SLC4A10: variants seen among roughly 807,000 people sequenced by gnomAD.
The protein encoded by SLC4A10 is solute carrier family 4 member 10.
Under a neutral mutation model 137.7 loss-of-function variants are expected in SLC4A10, and 42 were observed. The observed-to-expected ratio is 0.30, with a 90% confidence interval of 0.24 to 0.39. The LOEUF is 0.39. Among genes scored for constraint, SLC4A10 ranks in the 10% least tolerant of loss-of-function variants. SLC4A10 has a pLI of 1.00. For synonymous variants in SLC4A10, 474 were observed against 464.1 expected (o/e 1.02, Z -0.27); for missense variants, 925 against 1,355.0 (o/e 0.68, Z 4.98).
At chr2:161,737,349 T>C (rs2047448101) in intron 1 of SLC4A10, among the ~76,000 whole-genome samples, 1 of 152,218 alleles carries the variant, frequency 6.6e-6, no homozygotes, top group Admixed American at 6.5e-5. Context: ...AACGATTCTC[T>C]ATGTCTGGAC....
At chr2:161,806,476 T>C (rs2055973831) in intron 3 of SLC4A10, among the ~76,000 whole-genome samples, 1 of 152,186 alleles carries the variant, frequency 6.6e-6, no homozygotes, top group African/African-American at 2.4e-5. Context: ...TAAAACCGAA[T>C]GTCTTTAACA....
intron 11 of SLC4A10, among the ~76,000 whole-genome samples, chr2:161,897,208 T>A (rs2063594152): frequency 7.3e-6 from 1 of 136,328 alleles, no homozygotes; most frequent in Non-Finnish European, 1.6e-5. Flanking sequence ...ATATAAAGCA[T>A]TGCTATTTTT....
At chr2:161,760,557 C>T (rs535173957) in intron 1 of SLC4A10, among the ~76,000 whole-genome samples, 1 of 152,072 alleles carries the variant, frequency 6.6e-6, no homozygotes, top group East Asian at 1.9e-4. Flanking sequence ...GTCTTTCTCC[C>T]TTTTTCAAAT....
At chr2:161,671,259 G>A (rs763239538) in intron 1 of SLC4A10, among the ~76,000 whole-genome samples, 31 of 152,154 alleles carry the variant, frequency 2.0e-4, no homozygotes, top group Middle Eastern at 3.4e-3. Context: ...CCCTCTAGAG[G>A]ATGAAGCAAC....
intron 4 of SLC4A10, among the ~76,000 whole-genome samples, chr2:161,845,711 A>G (rs554193128): frequency 6.6e-6 from 1 of 152,286 alleles, no homozygotes; most frequent in South Asian, 2.1e-4. Context: ...GACAAAAGAC[A>G]AAAACTATTA....
intron 1 of SLC4A10, among the ~76,000 whole-genome samples, chr2:161,675,874 G>C (rs1489489898): frequency 6.6e-6 from 1 of 152,050 alleles, no homozygotes; most frequent in Non-Finnish European, 1.5e-5. Context: ...TATCAAGATG[G>C]CTTTGTTCCT....
At chr2:161,929,144 A>T (rs1036766469) in intron 15 of SLC4A10, among the ~76,000 whole-genome samples, 1 of 152,358 alleles carries the variant, frequency 6.6e-6, no homozygotes, top group Non-Finnish European at 1.5e-5. Flanking sequence ...CAACCAAAAA[A>T]AAAGGATGTT....
rs554613386 is a variant in SLC4A10, at chr2:161,691,039, A to T, written c.48+66473A>T. On this transcript the variant is annotated intron_variant, in intron 1 of 26. Transcript: ENST00000446997. ...ACATTAATTTGATTTCCATATGCAT[A>T]TAGACACTATATATGTACATATAGG... Among the ~76,000 whole-genome samples the T allele has an allele frequency of 2.1e-4, 32 of 152,238 alleles. 1 individual carries two copies. The South Asian group carries it at 6.6e-3, about 32-fold the overall frequency.
intron 1 of SLC4A10, among the ~76,000 whole-genome samples, chr2:161,639,043 G>A (rs886459625): frequency 7.9e-5 from 12 of 151,888 alleles, no homozygotes; most frequent in African/African-American, 2.9e-4. Context: ...AAATGGATAA[G>A]TTCCTAGAAA....
chr2:161,930,116 G>T (rs1044343745), intron 15 of SLC4A10, among the ~76,000 whole-genome samples: 1 of 152,040 alleles, frequency 6.6e-6, no homozygotes, highest in Admixed American at 6.6e-5. Context: ...TAGCCATCTG[G>T]TTCTGCTACA....
intron 15 of SLC4A10, among the ~76,000 whole-genome samples, chr2:161,922,396 G>A (rs552405882): frequency 6.6e-6 from 1 of 152,140 alleles, no homozygotes; most frequent in African/African-American, 2.4e-5. Context: ...CAAATAATAA[G>A]CTCAAAATAT....
intron 3 of SLC4A10, among the ~76,000 whole-genome samples, chr2:161,828,781 T>TATATATATATAC: frequency 1.0e-5 from 1 of 98,280 alleles, no homozygotes; most frequent in Non-Finnish European, 2.1e-5. Flanking sequence ...TATATATATA[T>TATATATATATAC]ATATATATAT....
chr2:161,970,741 T>G (rs1453598290), intron 23 of SLC4A10, among the ~76,000 whole-genome samples: 3 of 152,242 alleles, frequency 2.0e-5, no homozygotes, highest in African/African-American at 7.2e-5. Flanking sequence ...GATAACTATC[T>G]TTGTTATTTG....
At chr2:161,753,503 C>A (rs1480245887) in intron 1 of SLC4A10, among the ~76,000 whole-genome samples, 1 of 152,150 alleles carries the variant, frequency 6.6e-6, no homozygotes, top group Admixed American at 6.6e-5. Flanking sequence ...GGTTCTATAA[C>A]CTTGAGCAAG....
intron 15 of SLC4A10, among the ~76,000 whole-genome samples, chr2:161,931,966 C>A (rs968215763): frequency 6.6e-6 from 1 of 152,132 alleles, no homozygotes; most frequent in Non-Finnish European, 1.5e-5. Flanking sequence ...CTAGTTCTCT[C>A]TTATTATAAC....
chr2:161,778,643 A>T (rs1252953273), intron 2 of SLC4A10, among the ~76,000 whole-genome samples: 1 of 151,978 alleles, frequency 6.6e-6, no homozygotes, highest in African/African-American at 2.4e-5. Flanking sequence ...TTCTAATGAC[A>T]TGCATATACT....
intron 4 of SLC4A10, among the ~76,000 whole-genome samples, chr2:161,850,749 A>T (rs775864005): frequency 6.6e-6 from 1 of 151,924 alleles, no homozygotes; most frequent in Admixed American, 6.6e-5. Context: ...TTCTTCTGTT[A>T]TATTTGGGAT....
intron 1 of SLC4A10, among the ~76,000 whole-genome samples, chr2:161,641,239 T>C (rs2035281015): frequency 6.6e-6 from 1 of 152,192 alleles, no homozygotes; most frequent in Admixed American, 6.5e-5. Context: ...TCTATTAAGA[T>C]GATTTTTATG....
intron 1 of SLC4A10, among the ~76,000 whole-genome samples, chr2:161,703,623 A>G (rs2043354168): frequency 6.6e-6 from 1 of 151,658 alleles, no homozygotes; most frequent in African/African-American, 2.4e-5. Context: ...AAATTATTAC[A>G]TCTCTTATTT....
Sources: gnomAD v4.1 joint callset for allele counts (sites outside exome capture counted in the v4.1 genomes callset) on GRCh38, gnomAD v4.1.1 for gene constraint, MANE v1.5 for transcripts, NCBI Gene and HGNC (gene_info 2026-07-23, HGNC 2026-07-21) for gene names.